The following CHMP7 variants were observed in gnomAD, a reference collection of about 807,000 sequenced individuals.
The protein encoded by CHMP7 is CHMP family, member 7.
In CHMP7, 15 loss-of-function variants were observed where a neutral mutation model predicts 53.7. The observed-to-expected ratio is 0.28, with a 90% CI of 0.19 to 0.43. The LOEUF (loss-of-function observed/expected upper bound fraction) is 0.43. Ranked by LOEUF, CHMP7 falls within the 20% of genes least tolerant of loss-of-function variation. The probability of loss-of-function intolerance (pLI) is 1.00; values close to 1 mark genes in which losing one functional copy is unlikely to be tolerated. For synonymous variants in CHMP7, 261 were observed against 228.0 expected (o/e 1.14, Z -1.30); for missense variants, 527 against 569.4 (o/e 0.93, Z 0.76).
intron 3 of CHMP7, among the ~76,000 whole-genome samples, chr8:23,253,885 A>AAT (rs1418649235): frequency 1.3e-5 from 2 of 152,140 alleles, no homozygotes; most frequent in Admixed American, 6.5e-5. Flanking sequence ...TCTTAACTCT[A>AAT]CAATCCATCG....
chr8:23,246,954 G>A lies in CHMP7; in HGVS notation c.259G>A (p.Val87Ile). 6.5e-7 allele frequency: 1 copy of A among 1,549,072 alleles called. No individual in the cohort carries two copies. The highest frequency in any genetic ancestry group is 8.7e-7 in the Non-Finnish European group (1 of 1,150,192). ...GGAGGCCTTTCAGCGCAAGGGGAGC[G>A]TCCCGCTGGGGCTGGCCACGGTGCT... ...LQEAFQRKGSVPLGLATVLQD... is the reference protein window; with the variant it reads ...LQEAFQRKGSIPLGLATVLQD... Residue 87 changes from valine to isoleucine, a missense_variant, in exon 2 of 11, where the codon GTC becomes ATC. By Grantham distance (29) the Val-to-Ile change is conservative. Coordinates refer to ENST00000397677, the MANE Select transcript of CHMP7 (RefSeq NM_152272.5).
chr8:23,258,476 T>G, intron 7 of CHMP7, 27 bp downstream of exon 7: 1 of 1,613,290 alleles, frequency 6.2e-7, no homozygotes, highest in Non-Finnish European at 8.5e-7. Flanking sequence ...ACTCCAGCAC[T>G]TGGCTGGTCT....
Position 23,256,521 on chromosome 8 carries a change from G to A in CHMP7, c.719G>A (p.Gly240Glu). The A allele has an allele frequency of 6.2e-7, 1 of 1,611,486 alleles. No individual in the cohort carries two copies. Among genetic ancestry groups the A allele is most frequent in the Non-Finnish European group, 8.5e-7 (1 of 1,177,568 alleles). Residue 240 changes from glycine to glutamate, a missense_variant, in exon 5 of 11, where the codon GGG becomes GAG. Transcript: ENST00000397677. ...KVSPVNDVDV[G>E]VYQLMQSEQL... ...TCTCCAGTCAATGACGTAGATGTTGGGGTGTACCAGCTGATGCAGAGTGAA... is the reference window on the plus strand; with the variant it reads ...TCTCCAGTCAATGACGTAGATGTTGAGGTGTACCAGCTGATGCAGAGTGAA...
Position 23,250,620 on chromosome 8 carries a change from C to CTGTGTG in CHMP7, c.471+1279_471+1284dup, listed in dbSNP as rs59970101. Among the ~76,000 whole-genome samples the CTGTGTG allele has an allele frequency of 1.6e-3, 235 of 143,394 alleles. 2 individuals carry two copies. The highest frequency in any genetic ancestry group is 5.0e-3 in the African/African-American group (190 of 37,768). The allele number at this position is 143,394 out of a possible 152,430, so 94.1% of individuals were successfully genotyped here. ...CTGCTGTGGATGAGGTGATAGGGGC[C>CTGTGTG]TGTGTGTGTGTGTGTGTGTGTGTGT... On this transcript the variant is annotated intron_variant, in intron 3 of 10. Transcript: ENST00000397677.
chr8:23,260,391 A>C, intron 10 of CHMP7, 68 bp downstream of exon 10: 2 of 1,573,300 alleles, frequency 1.3e-6, no homozygotes, highest in African/African-American at 1.3e-5. Flanking sequence ...TGATGGGCCC[A>C]AGCCCAATTA....
At chr8:23,251,041 C>A (rs1282462944) in intron 3 of CHMP7, among the ~76,000 whole-genome samples, 1 of 152,212 alleles carries the variant, frequency 6.6e-6, no homozygotes, top group Non-Finnish European at 1.5e-5. Flanking sequence ...AGGGTCCCCG[C>A]AAAGACTGCA....
intron 9 of CHMP7, 82 bp downstream of exon 9, chr8:23,259,208 G>C (rs577548123): frequency 5.9e-5 from 40 of 679,256 alleles, no homozygotes; most frequent in East Asian, 3.6e-4. Flanking sequence ...TCGCTCTGTC[G>C]CCCAGGCTGG....
rs1261997291 is a variant in CHMP7 at position 23,255,253 on chromosome 8, G to T, written c.478G>T (p.Ala160Ser). Reference sequence around the variant, plus strand: ...AATGTTGCCTTTCCCACAGGAAAAGGCTGAGGAGGTGTATCGTCTGTATCA... The same window carrying T: ...AATGTTGCCTTTCCCACAGGAAAAGTCTGAGGAGGTGTATCGTCTGTATCA... ...LVAVELLKEK[A>S]EEVYRLYQNS... Residue 160 changes from alanine to serine, a missense_variant, in exon 4 of 11, where the codon GCT (alanine) becomes TCT (serine). Transcript: ENST00000397677. 1.9e-6 allele frequency: 3 copies of T among 1,614,106 alleles called. No homozygotes were observed. Among genetic ancestry groups the T allele is most frequent in the South Asian group, 2.2e-5 (2 of 91,084 alleles).
rs747438320 is a variant in CHMP7, at chr8:23,260,167, A to G, written c.1144A>G (p.Lys382Glu). The change falls in exon 10 of 11, where the codon AAG (lysine) becomes GAG (glutamate). Residue 382 changes from lysine to glutamate, a missense_variant. Lys to Glu is a moderately conservative substitution (Grantham distance 56). Transcript: ENST00000397677. ...AGATTTTGACAGTGAAGAACTGGAG[A>G]AGGAATTGGACATCCTCCTTCAGGA... The part of the protein sequence containing the change: ...GLDFDSEELE[K>E]ELDILLQDTT... 1 of 1,614,060 alleles carries G rather than the reference A, an allele frequency of 6.2e-7. No individual in the cohort carries two copies. Among genetic ancestry groups the G allele is most frequent in the Non-Finnish European group, 8.5e-7 (1 of 1,179,964 alleles).
At chr8:23,249,923 C>T (rs1034677271) in intron 3 of CHMP7, among the ~76,000 whole-genome samples, 6 of 152,176 alleles carry the variant, frequency 3.9e-5, no homozygotes, top group Non-Finnish European at 5.9e-5. Flanking sequence ...CAGCCTTGAT[C>T]GCATGGCTCA....
At position 23,249,170 on chromosome 8, in the gene CHMP7, A is replaced by T. The variant is rs373268835; in HGVS notation, c.300-40A>T. ...GCTAGAGACTGGAATGGGACATTGC[A>T]TTAAGTGCTACTACACGCCCTTCTT... is the stretch of plus-strand genomic sequence containing the variant. On this transcript the variant is annotated intron_variant, in intron 2 of 10. Coordinates refer to ENST00000397677, the MANE Select transcript of CHMP7 (RefSeq NM_152272.5). The T allele has an allele frequency of 7.6e-5, 115 of 1,511,592 alleles. 1 individual carries two copies. Among genetic ancestry groups the T allele is most frequent in the Non-Finnish European group, 3.5e-6 (4 of 1,130,444 alleles). The allele number at this position is 1,511,592 out of a possible 1,614,324, so 93.6% of individuals were successfully genotyped here.
At chr8:23,248,699 T>C (rs1801803360) in intron 2 of CHMP7, among the ~76,000 whole-genome samples, 1 of 152,204 alleles carries the variant, frequency 6.6e-6, no homozygotes, top group Non-Finnish European at 1.5e-5. Context: ...TGAGCTGCTG[T>C]TACTGTTACC....
intron 2 of CHMP7, among the ~76,000 whole-genome samples, chr8:23,247,442 C>G (rs1172803681): frequency 6.6e-6 from 1 of 152,112 alleles, no homozygotes; most frequent in Non-Finnish European, 1.5e-5. Context: ...TGCCAACAAC[C>G]CCTGGCACAG....
intron 9 of CHMP7, among the ~76,000 whole-genome samples, chr8:23,259,441 A>G (rs1349388618): frequency 1.3e-5 from 2 of 150,850 alleles, no homozygotes; most frequent in African/African-American, 4.9e-5. Flanking sequence ...GCTCGCTGCA[A>G]CCTCCGCCTC....
Position 23,258,049 on chromosome 8 carries a change from C to T in CHMP7, c.808C>T (p.Arg270Cys), listed in dbSNP as rs76824642. 200 of 1,613,156 alleles carry T rather than the reference C, an allele frequency of 1.2e-4. 1 individual carries two copies. In the East Asian group the frequency reaches 3.0e-3, roughly 24 times the overall value. ...QEAERCKEEA[R>C]RACRAGKKQL... ...TGTTTCCAGGTGTAAAGAAGAAGCC[C>T]GCCGGGCATGCCGAGCAGGAAAGAA... Residue 270 changes from arginine (R) to cysteine (C), a missense_variant, in exon 6 of 11, where the codon CGC (arginine) becomes TGC (cysteine). By Grantham distance (180) the Arg-to-Cys change is radical (BLOSUM62 -3). Transcript: ENST00000397677.
intron 3 of CHMP7, among the ~76,000 whole-genome samples, chr8:23,251,448 ACT>A (rs2128857884): frequency 6.6e-6 from 1 of 152,130 alleles, no homozygotes; most frequent in South Asian, 2.1e-4. Flanking sequence ...GGCTTTGTCA[ACT>A]CTAGTTCTTC....
chr8:23,248,117 A>T (rs529545163), intron 2 of CHMP7: 30 of 456,054 alleles, frequency 6.6e-5, no homozygotes, highest in African/African-American at 6.0e-4. Context: ...CTGGCCAACG[A>T]GGCTTTCTGA....
Position 23,260,711 on chromosome 8 carries a change from A to G in CHMP7, c.*112A>G, listed in dbSNP as rs1478850189. 1.2e-6 allele frequency: 1 copy of G among 858,018 alleles called. No individual in the cohort carries two copies. Among genetic ancestry groups the G allele is most frequent in the Non-Finnish European group, 2.0e-6 (1 of 511,546 alleles). The allele number at this position is 858,018 out of a possible 1,614,324, so 53.2% of individuals were successfully genotyped here. A position where few individuals can be genotyped will look rare whatever the true frequency, so the allele number is the denominator to read the frequency against. On this transcript the variant is annotated 3_prime_UTR_variant, in exon 11 of 11. Coordinates refer to ENST00000397677, the MANE Select transcript of CHMP7 (RefSeq NM_152272.5). Reference sequence around the variant, plus strand: ...TGTGTTTGGAAGAGGAGAAAGGAGAACCACTGATTTTATCTGGATGCTACT... The same window carrying G: ...TGTGTTTGGAAGAGGAGAAAGGAGAGCCACTGATTTTATCTGGATGCTACT...
intron 3 of CHMP7, 124 bp from the exon 4 acceptor site, chr8:23,255,123 G>A (rs185406305): frequency 1.1e-6 from 1 of 924,140 alleles, no homozygotes; most frequent in East Asian, 2.6e-5. Flanking sequence ...CTACTTTGGG[G>A]AGGATGGGGT....
Sources: allele counts gnomAD v4.1 joint callset (sites outside exome capture counted in the v4.1 genomes callset), GRCh38; gene constraint gnomAD v4.1.1; transcripts MANE v1.5; gene names NCBI Gene and HGNC (gene_info 2026-07-23, HGNC 2026-07-21).